Variants in HEATR5A observed in about 807,000 individuals in gnomAD.
The protein encoded by HEATR5A is HEAT repeat containing 5A, also known as HEAT repeat-containing protein 5A.
Under a neutral mutation model 218.8 loss-of-function variants are expected in HEATR5A, and 178 were observed. The observed-to-expected ratio is 0.81, with a 90% CI of 0.72 to 0.92. HEATR5A has a LOEUF of 0.92. Among genes scored for constraint, HEATR5A ranks in the 40% least tolerant of loss-of-function variants. The probability of loss-of-function intolerance (pLI) is 0.00; values close to 1 mark genes in which losing one functional copy is unlikely to be tolerated. For synonymous variants in HEATR5A, 864 were observed against 871.6 expected, an observed-to-expected ratio of 0.99 and a Z score of 0.15; for missense variants, 2,420 against 2,418.9, an observed-to-expected ratio of 1.00 and a Z score of -0.01.
At chr14:31,315,564 A>G (rs1183836877) in intron 27 of HEATR5A, among the ~76,000 whole-genome samples, 1 of 152,216 alleles carries the variant, frequency 6.6e-6, no homozygotes, top group Non-Finnish European at 1.5e-5. Context: ...CACTGCTTAA[A>G]GTAGGAGATA....
At chr14:31,416,689 G>A (rs1022838046) in intron 1 of HEATR5A, among the ~76,000 whole-genome samples, 2 of 151,802 alleles carry the variant, frequency 1.3e-5, no homozygotes, top group South Asian at 4.2e-4. Flanking sequence ...TGTTTAAAGA[G>A]TGCTAACTTT....
At chr14:31,313,244 T>A in intron 27 of HEATR5A, 54 bp from the exon 28 acceptor site, 1 of 1,380,502 alleles carries the variant, frequency 7.2e-7, no homozygotes, top group Non-Finnish European at 1.0e-6. Flanking sequence ...GAAAAGGTGC[T>A]ATAAAATTTT....
Position 31,320,724 on chromosome 14 carries a change from T to C in HEATR5A, c.3969+775A>G, listed in dbSNP as rs1044252071. ...CCTTTAAAGTTACAAAACACTTGTT[T>C]TTTTATTTTTGTTTTCTTTAACAGG... On this transcript the variant is annotated intron_variant, in intron 25 of 35. Coordinates refer to ENST00000543095, the MANE Select transcript of HEATR5A (RefSeq NM_015473.4). The C allele has an allele frequency of 1.9e-5, 7 of 361,976 alleles. No individual in the cohort carries two copies. The Admixed American group carries it at 2.8e-4, about 15-fold the overall frequency. The allele number at this position is 361,976 out of a possible 1,614,324, so 22.4% of individuals were successfully genotyped here.
intron 22 of HEATR5A, among the ~76,000 whole-genome samples, chr14:31,330,726 G>C (rs1397731534): frequency 1.3e-5 from 2 of 151,656 alleles, no homozygotes; most frequent in Non-Finnish European, 2.9e-5. Flanking sequence ...AGGAGGCAGA[G>C]CTTGCAGTGA....
intron 22 of HEATR5A, among the ~76,000 whole-genome samples, chr14:31,328,465 T>C (rs1163694626): frequency 5.3e-5 from 8 of 152,054 alleles, no homozygotes; most frequent in Admixed American, 4.6e-4. Context: ...GAAATGTGTG[T>C]GAGGGCTGCA....
At chr14:31,340,198 A>G (rs1900796178) in intron 21 of HEATR5A, among the ~76,000 whole-genome samples, 1 of 152,228 alleles carries the variant, frequency 6.6e-6, no homozygotes, top group African/African-American at 2.4e-5. Context: ...TCTGAAATGA[A>G]TATATTAAAT....
At chr14:31,367,784 C>A (rs1332046673) in intron 13 of HEATR5A, among the ~76,000 whole-genome samples, 1 of 151,580 alleles carries the variant, frequency 6.6e-6, no homozygotes, top group African/African-American at 2.4e-5. Context: ...AGAGGAGTAA[C>A]GTCAAAAGGC....
intron 32 of HEATR5A, among the ~76,000 whole-genome samples, chr14:31,303,159 G>C (rs1419757036): frequency 6.6e-6 from 1 of 152,084 alleles, no homozygotes; most frequent in African/African-American, 2.4e-5. Flanking sequence ...TAGTGGCTGA[G>C]TGCAGTGGCT....
Position 31,322,923 on chromosome 14 carries a change from G to A in HEATR5A, c.3787+642C>T, listed in dbSNP as rs556187530. The stretch of plus-strand genomic sequence containing the variant: ...AAACCATAAAGGCAAACATAAATAG[G>A]TAAAAATAATACAGTTAAACAGTAA... On this transcript the variant is annotated intron_variant, in intron 24 of 35. Coordinates refer to ENST00000543095, the MANE Select transcript of HEATR5A (RefSeq NM_015473.4). 2.4e-4 allele frequency among the ~76,000 whole-genome samples: 37 copies of A among 151,882 alleles called. 1 individual carries two copies. The highest frequency in any genetic ancestry group is 2.3e-3 in the Admixed American group (35 of 15,240).
chr14:31,381,289 A>T lies in HEATR5A; in HGVS notation c.1597-711T>A, dbSNP rs150988908. 2.0e-3 allele frequency among the ~76,000 whole-genome samples: 297 copies of T among 151,968 alleles called. 2 individuals carry two copies. Among genetic ancestry groups the T allele is most frequent in the African/African-American group, 5.9e-3 (246 of 41,462 alleles). On this transcript the variant is annotated intron_variant, in intron 10 of 35. Transcript: ENST00000543095. ...CTACATACTACTTTTGTAACTCAGT[A>T]GCTGATAATAGTCTTCCAAGAGGTA...
chr14:31,352,018 C>T (rs2139219634), intron 16 of HEATR5A, among the ~76,000 whole-genome samples: 1 of 152,224 alleles, frequency 6.6e-6, no homozygotes, highest in South Asian at 2.1e-4. Context: ...TTCGAATTTT[C>T]ACAATTCTAA....
intron 28 of HEATR5A, 68 bp downstream of exon 28, chr14:31,312,900 A>G: frequency 1.5e-6 from 2 of 1,330,940 alleles, no homozygotes; most frequent in Non-Finnish European, 2.1e-6. Context: ...CCTGTCAAAA[A>G]CAAAAAAAAA....
intron 4 of HEATR5A, 32 bp downstream of exon 4, chr14:31,398,641 T>C: frequency 8.3e-7 from 1 of 1,209,372 alleles, no homozygotes; most frequent in Non-Finnish European, 1.2e-6. Flanking sequence ...ATGCTGTCTT[T>C]TCATTCTTTG....
At chr14:31,315,978 T>G (rs1189664253) in intron 26 of HEATR5A, 29 bp from the exon 27 acceptor site, 1 of 1,495,596 alleles carries the variant, frequency 6.7e-7, no homozygotes, top group Non-Finnish European at 9.0e-7. Context: ...AAAGTTATAT[T>G]TTAAAATTAT....
At chr14:31,326,763 C>A (rs892995383) in intron 22 of HEATR5A, among the ~76,000 whole-genome samples, 5 of 152,040 alleles carry the variant, frequency 3.3e-5, no homozygotes, top group Non-Finnish European at 7.4e-5. Context: ...CTGCCTCAGC[C>A]TCCCTAGTAG....
intron 19 of HEATR5A, among the ~76,000 whole-genome samples, chr14:31,346,988 G>A (rs1901043472): frequency 6.6e-6 from 1 of 152,172 alleles, no homozygotes; most frequent in Admixed American, 6.5e-5. Flanking sequence ...TGGAGTCTAT[G>A]ACTTGTGTTC....
At chr14:31,320,233 G>A (rs528300345) in intron 25 of HEATR5A, 183 of 668,156 alleles carry the variant, frequency 2.7e-4, no homozygotes, top group Middle Eastern at 4.3e-4. Context: ...CTCACATGGC[G>A]AACAGGATGA....
In HEATR5A at chr14:31,347,911, T is replaced by C; in HGVS notation, c.2709-4A>G. 6.8e-7 allele frequency: 1 copy of C among 1,469,266 alleles called. No individual in the cohort carries two copies. The allele number at this position is 1,469,266 out of a possible 1,614,324, so 91.0% of individuals were successfully genotyped here. The stretch of plus-strand genomic sequence containing the variant: ...CACATCCCTTGCTGATTTCAATCTG[T>C]AAATATAAAAATAAAAATAAACGGT... On this transcript the variant is annotated splice_region_variant and splice_polypyrimidine_tract_variant and intron_variant, in intron 18 of 35. Coordinates refer to ENST00000543095, the MANE Select transcript of HEATR5A (RefSeq NM_015473.4).
intron 13 of HEATR5A, among the ~76,000 whole-genome samples, chr14:31,364,759 A>C (rs1298122253): frequency 6.6e-6 from 1 of 151,628 alleles, no homozygotes; most frequent in African/African-American, 2.4e-5. Context: ...CTCTCCTTTC[A>C]TTTTCATGTA....
Sources: allele counts gnomAD v4.1 joint callset (sites outside exome capture counted in the v4.1 genomes callset), GRCh38; gene constraint gnomAD v4.1.1; transcripts MANE v1.5; gene names NCBI Gene and HGNC (gene_info 2026-07-23, HGNC 2026-07-21).